The following FAM171A1 variants were observed in gnomAD, a reference collection of about 807,000 sequenced individuals.
FAM171A1 encodes the protein protein FAM171A1.
Under a neutral mutation model 74.9 loss-of-function variants are expected in FAM171A1, and 23 were observed. That is an observed-to-expected ratio of 0.31 (90% CI 0.22 to 0.44). The LOEUF is 0.44. Ranked by LOEUF, FAM171A1 falls within the 20% of genes least tolerant of loss-of-function variation. The pLI is 1.00. For missense variants in FAM171A1, 1,162 were observed against 1,159.2 expected (o/e 1.00, Z -0.03); for synonymous variants, 527 against 505.7 (o/e 1.04, Z -0.57).
At chr10:15,222,068 G>C (rs936300336) in intron 5 of FAM171A1, among the ~76,000 whole-genome samples, 1 of 152,180 alleles carries the variant, frequency 6.6e-6, no homozygotes, top group African/African-American at 2.4e-5. Context: ...GTGGGCAGAA[G>C]GCCAGGGAGA....
chr10:15,312,673 G>GTTTGTT (rs1564274246), intron 1 of FAM171A1, among the ~76,000 whole-genome samples: 5 of 36,406 alleles, frequency 1.4e-4, no homozygotes, highest in Non-Finnish European at 2.3e-4. Context: ...AGCACTGTGT[G>GTTTGTT]TTTTTTTTTT....
intron 1 of FAM171A1, among the ~76,000 whole-genome samples, chr10:15,348,764 C>T (rs904474717): frequency 4.6e-5 from 7 of 152,322 alleles, no homozygotes; most frequent in South Asian, 2.1e-4. Context: ...TGCTTCGTGA[C>T]GCAGTTGAGC....
At chr10:15,229,887 A>C (rs61844218) in intron 5 of FAM171A1, among the ~76,000 whole-genome samples, 832 of 18,436 alleles carry the variant, frequency 0.045, 56 homozygotes, top group African/African-American at 0.06. Context: ...CACCATCACC[A>C]CCATCACCAT....
intron 1 of FAM171A1, among the ~76,000 whole-genome samples, chr10:15,339,851 G>A (rs902322127): frequency 4.6e-5 from 7 of 152,182 alleles, no homozygotes; most frequent in South Asian, 2.1e-4. Context: ...GGCTCGGGAG[G>A]CCTCACAATC....
chr10:15,290,707 G>A (rs1324556629), intron 1 of FAM171A1, among the ~76,000 whole-genome samples: 2 of 152,154 alleles, frequency 1.3e-5, no homozygotes, highest in East Asian at 3.9e-4. Flanking sequence ...GGGTGGTCAG[G>A]GGAGGCCTTC....
intron 1 of FAM171A1, among the ~76,000 whole-genome samples, chr10:15,337,044 A>ATTTTTTTTTTTT (rs778973685): frequency 7.3e-6 from 1 of 136,940 alleles, no homozygotes; most frequent in Non-Finnish European, 1.6e-5. Flanking sequence ...ACAGTTGGCT[A>ATTTTTTTTTTTT]TTTTTTTTTT....
At chr10:15,229,223 G>A (rs1834151067) in intron 5 of FAM171A1, among the ~76,000 whole-genome samples, 1 of 152,202 alleles carries the variant, frequency 6.6e-6, no homozygotes, top group African/African-American at 2.4e-5. Flanking sequence ...GCTGGTGCAG[G>A]CATGGCCTTG....
intron 1 of FAM171A1, among the ~76,000 whole-genome samples, chr10:15,369,826 G>A (rs1056714238): frequency 6.6e-6 from 1 of 152,190 alleles, no homozygotes; most frequent in Non-Finnish European, 1.5e-5. Flanking sequence ...TGGCCTGCAG[G>A]GCCAACTTTG....
intron 4 of FAM171A1, among the ~76,000 whole-genome samples, chr10:15,254,104 C>G (rs574780376): frequency 1.5e-4 from 23 of 152,274 alleles, no homozygotes; most frequent in African/African-American, 4.8e-4. Flanking sequence ...CAGTTGAGGA[C>G]AGAGAGAGCA....
chr10:15,310,612 A>G lies in FAM171A1; in HGVS notation c.98-26507T>C, dbSNP rs576056406. ...CATGGTGGCTCACACTTGTAATCTCAGCACTTTGCGAGGCCAAGGCAGGAG... is the reference window on the plus strand; with the variant it reads ...CATGGTGGCTCACACTTGTAATCTCGGCACTTTGCGAGGCCAAGGCAGGAG... On this transcript the variant is annotated intron_variant, in intron 1 of 7. Coordinates refer to ENST00000378116, the MANE Select transcript of FAM171A1 (RefSeq NM_001010924.2). Among the ~76,000 whole-genome samples, 6 of 152,210 alleles carry G rather than the reference A, an allele frequency of 3.9e-5. No homozygotes were observed. The East Asian group carries it at 1.2e-3, about 29-fold the overall frequency.
Position 15,370,979 on chromosome 10 carries a change from C to T in FAM171A1, c.74G>A (p.Arg25Gln), listed in dbSNP as rs1836137253. The T allele has an allele frequency of 3.4e-6, 4 of 1,185,986 alleles. No homozygotes were observed. The highest frequency in any genetic ancestry group is 1.6e-5 in the African/African-American group (1 of 60,608). The allele number at this position is 1,185,986 out of a possible 1,614,324, so 73.5% of individuals were successfully genotyped here. ...ACCTTGGGCTCCGGCGCCGGGCTCC[C>T]GCAGCGTCTTGGTCACCGCCTTCCA... ...HVWKAVTKTL[R>Q]EPGAGAQEVT... The change falls in exon 1 of 8, where the codon CGG becomes CAG. Residue 25 changes from arginine to glutamine, a missense_variant. Coordinates refer to ENST00000378116, the MANE Select transcript of FAM171A1 (RefSeq NM_001010924.2).
chr10:15,374,094 C>T (rs769410626), upstream of FAM171A1, among the ~76,000 whole-genome samples: 71 of 152,278 alleles, frequency 4.7e-4, no homozygotes, highest in Middle Eastern at 3.4e-3. Flanking sequence ...CCCTGCGAGA[C>T]GCTCAGGTCT....
At chr10:15,245,454 C>T (rs994675238) in intron 5 of FAM171A1, among the ~76,000 whole-genome samples, 16 of 152,200 alleles carry the variant, frequency 1.1e-4, no homozygotes, top group Non-Finnish European at 1.9e-4. Flanking sequence ...TTTGGACTTG[C>T]CAGCCTTCCC....
At position 15,212,703 on chromosome 10, in the gene FAM171A1, G is replaced by T; in HGVS notation, c.*212C>A. On this transcript the variant is annotated 3_prime_UTR_variant, in exon 8 of 8. Coordinates refer to ENST00000378116, the MANE Select transcript of FAM171A1 (RefSeq NM_001010924.2). ...GGACACCACTTTCAGCCACCTCCTT[G>T]CAGGGGCGACATCCGCCAAAGTCAT... 1.5e-6 allele frequency: 1 copy of T among 682,230 alleles called. No individual in the cohort carries two copies. The highest frequency in any genetic ancestry group is 2.4e-6 in the Non-Finnish European group (1 of 422,338). 42.3% of individuals were successfully genotyped at this position (682,230 alleles called of 1,614,324 possible).
At chr10:15,323,082 GT>G (rs1835506309) in intron 1 of FAM171A1, among the ~76,000 whole-genome samples, 2 of 151,424 alleles carry the variant, frequency 1.3e-5, no homozygotes, top group Non-Finnish European at 2.9e-5. Context: ...GGAGGTTGTG[GT>G]GGGCTGACAT....
chr10:15,332,335 T>C (rs1191240258), intron 1 of FAM171A1, among the ~76,000 whole-genome samples: 2 of 152,188 alleles, frequency 1.3e-5, no homozygotes, highest in Non-Finnish European at 2.9e-5. Context: ...AGTATTTTCC[T>C]TTCTAGAACA....
intron 1 of FAM171A1, among the ~76,000 whole-genome samples, chr10:15,300,507 C>T (rs1180062297): frequency 6.6e-6 from 1 of 152,058 alleles, no homozygotes; most frequent in African/African-American, 2.4e-5. Context: ...TGATCTTTCC[C>T]CACCTGCAAG....
chr10:15,337,671 T>C (rs10906889), intron 1 of FAM171A1, among the ~76,000 whole-genome samples: 81,691 of 151,244 alleles, frequency 0.54, 22,177 homozygotes, highest in East Asian at 0.8. Flanking sequence ...CAGTAGGGGT[T>C]GGCGCGGTGG....
At chr10:15,334,955 A>G (rs1047448552) in intron 1 of FAM171A1, among the ~76,000 whole-genome samples, 3 of 152,206 alleles carry the variant, frequency 2.0e-5, no homozygotes, top group African/African-American at 7.2e-5. Flanking sequence ...CAAGATACAC[A>G]TAAAGGCCCA....
Sources: allele counts gnomAD v4.1 joint callset (sites outside exome capture counted in the v4.1 genomes callset), GRCh38; gene constraint gnomAD v4.1.1; transcripts MANE v1.5; gene names NCBI Gene and HGNC (gene_info 2026-07-23, HGNC 2026-07-21).